The following ADCY9 variants were observed in gnomAD, a reference collection of about 807,000 sequenced individuals.
ADCY9 encodes the protein adenylate cyclase type 9.
A neutral mutation model predicts 101.5 loss-of-function variants in ADCY9; 50 were observed. The observed-to-expected ratio is 0.49, with a 90% CI of 0.39 to 0.62. The LOEUF (loss-of-function observed/expected upper bound fraction) is 0.62. Among genes scored for constraint, ADCY9 ranks in the 20% least tolerant of loss-of-function variants. The pLI, the probability that ADCY9 is intolerant of heterozygous loss-of-function variation, is 0.00. For synonymous variants in ADCY9, 905 were observed against 769.3 expected (o/e 1.18, Z -2.92); for missense variants, 1,662 against 1,800.4 (o/e 0.92, Z 1.39).
In ADCY9 at chr16:4,115,748, G is replaced by C. The variant is rs1289452996; in HGVS notation, c.-102C>G. 1.2e-5 allele frequency: 5 copies of C among 408,330 alleles called. No individual in the cohort carries two copies. The highest frequency in any genetic ancestry group is 1.0e-4 in the African/African-American group (5 of 48,292). 25.3% of individuals were successfully genotyped at this position (408,330 alleles called of 1,614,324 possible). A position where few individuals can be genotyped will look rare whatever the true frequency, so the allele number is the denominator to read the frequency against. On this transcript the variant is annotated 5_prime_UTR_variant, in exon 1 of 11. Coordinates refer to ENST00000294016, the MANE Select transcript of ADCY9 (RefSeq NM_001116.4). The surrounding 1 kb of genome is among the most constrained non-coding windows in gnomAD (Gnocchi z 6.2). ...CCGTGGCTCCGGGACCGCTTTGCTC[G>C]CTCGCCTTCCGCGCCTCTCGCCCCG...
intron 2 of ADCY9, among the ~76,000 whole-genome samples, chr16:4,072,890 C>T (rs2056843228): frequency 6.6e-6 from 1 of 150,438 alleles, no homozygotes; most frequent in African/African-American, 2.4e-5. Context: ...GCAGACTTCT[C>T]ACCAAAACAA....
intron 2 of ADCY9, among the ~76,000 whole-genome samples, chr16:4,053,236 T>G (rs2056713224): frequency 6.6e-6 from 1 of 152,182 alleles, no homozygotes; most frequent in South Asian, 2.1e-4. Flanking sequence ...CAAGAGACTG[T>G]AAATCGCAGT....
chr16:4,068,496 T>C (rs2056813690), intron 2 of ADCY9, among the ~76,000 whole-genome samples: 1 of 152,156 alleles, frequency 6.6e-6, no homozygotes. Flanking sequence ...GTTTTACATA[T>C]GGTACAGTTG....
At chr16:3,980,210 G>A (rs769279146) in intron 7 of ADCY9, among the ~76,000 whole-genome samples, 10 of 152,220 alleles carry the variant, frequency 6.6e-5, no homozygotes, top group Non-Finnish European at 1.0e-4. Context: ...TAAGCAGAGC[G>A]ACTGTATTCA....
At chr16:4,011,799 T>C (rs1448011472) in intron 2 of ADCY9, among the ~76,000 whole-genome samples, 3 of 152,118 alleles carry the variant, frequency 2.0e-5, no homozygotes, top group African/African-American at 7.2e-5. Context: ...TCGCTGCCTC[T>C]CAGTTTCCTC....
At chr16:4,106,091 A>G (rs988344202) in intron 2 of ADCY9, among the ~76,000 whole-genome samples, 5 of 152,154 alleles carry the variant, frequency 3.3e-5, no homozygotes, top group Admixed American at 6.5e-5. Context: ...CTTCCCACTT[A>G]ACTCCGCAGA....
In ADCY9 at chr16:3,979,115, C is replaced by T; in HGVS notation, c.2679+1G>A. ...AATAAAACGGCTGAGCCTTTACTTA[C>T]GTGTATGTTGGTCTCATATTCGGAG... On this transcript the variant is annotated splice_donor_variant, in intron 8 of 10. Coordinates refer to ENST00000294016, the MANE Select transcript of ADCY9 (RefSeq NM_001116.4). LOFTEE classifies it high-confidence loss of function. 2 of 1,614,172 alleles carry T rather than the reference C, an allele frequency of 1.2e-6. No homozygotes were observed. The highest frequency in any genetic ancestry group is 2.2e-5 in the East Asian group (1 of 44,896).
intron 2 of ADCY9, among the ~76,000 whole-genome samples, chr16:4,026,857 G>A (rs1029498521): frequency 1.3e-5 from 2 of 152,154 alleles, no homozygotes; most frequent in African/African-American, 4.8e-5. Context: ...ACTTAAGGCC[G>A]ATTCACCCTG....
chr16:4,070,240 A>C (rs1185550703), intron 2 of ADCY9, among the ~76,000 whole-genome samples: 1 of 135,178 alleles, frequency 7.4e-6, no homozygotes, highest in Non-Finnish European at 1.7e-5. Flanking sequence ...AATAAGCTTT[A>C]TCGTTATAAT....
At position 4,114,896 on chromosome 16, in the gene ADCY9, C is replaced by A. The variant is rs1268181203; in HGVS notation, c.547G>T (p.Val183Leu). The A allele has an allele frequency of 6.2e-7, 1 of 1,613,838 alleles. No individual in the cohort carries two copies. Among genetic ancestry groups the A allele is most frequent in the Non-Finnish European group, 8.5e-7 (1 of 1,180,040 alleles). Residue 183 changes from valine to leucine, a missense_variant, in exon 2 of 11, where the codon GTG (valine) becomes TTG (leucine). Physicochemically the swap from Val to Leu is conservative, Grantham distance 32 (BLOSUM62 1). Coordinates refer to ENST00000294016, the MANE Select transcript of ADCY9 (RefSeq NM_001116.4). This position sits in a 1 kb window ranked among gnomAD's most constrained non-coding sequence, Gnocchi z 4.3. ...AWTSLALTLLVFALTLAAQFQ... is the reference protein window; with the variant it reads ...AWTSLALTLLLFALTLAAQFQ... ...TGCGCAGCCAGGGTCAGGGCGAACACCAGCAGGGTGAGAGCCAGCGAGGTC... is the reference window on the plus strand; with the variant it reads ...TGCGCAGCCAGGGTCAGGGCGAACAACAGCAGGGTGAGAGCCAGCGAGGTC...
At chr16:4,103,199 A>G (rs75684195) in intron 2 of ADCY9, among the ~76,000 whole-genome samples, 1,989 of 152,364 alleles carry the variant, frequency 0.013, 42 homozygotes, top group African/African-American at 0.045. Context: ...CACACACATG[A>G]GAATGCGTGT....
At chr16:4,052,861 G>C (rs544556359) in intron 2 of ADCY9, among the ~76,000 whole-genome samples, 2 of 152,316 alleles carry the variant, frequency 1.3e-5, no homozygotes, top group South Asian at 4.1e-4. Context: ...CGTTTCAGCC[G>C]AACGCATCTG....
intron 2 of ADCY9, among the ~76,000 whole-genome samples, chr16:4,025,473 G>C (rs2056508549): frequency 6.6e-6 from 1 of 152,094 alleles, no homozygotes; most frequent in Non-Finnish European, 1.5e-5. Context: ...GCCACGCAAA[G>C]ACTGTCAGTG....
chr16:4,094,431 T>C (rs2532007), intron 2 of ADCY9, among the ~76,000 whole-genome samples: 17,798 of 152,180 alleles, frequency 0.12, 1,576 homozygotes, highest in East Asian at 0.45. Flanking sequence ...GCAAATGTCA[T>C]GTGGCTTTCC....
chr16:4,036,282 GA>G (rs1195967018), intron 2 of ADCY9, among the ~76,000 whole-genome samples: 1 of 151,848 alleles, frequency 6.6e-6, no homozygotes, highest in Non-Finnish European at 1.5e-5. Flanking sequence ...GTCCCCTTAT[GA>G]GTTTTGAGCA....
At chr16:4,044,632 ATG>A (rs935426623) in intron 2 of ADCY9, among the ~76,000 whole-genome samples, 121 of 152,322 alleles carry the variant, frequency 7.9e-4, no homozygotes, top group African/African-American at 2.8e-3. Context: ...AGCCACTTTA[ATG>A]TATATCAGTT....
intron 2 of ADCY9, among the ~76,000 whole-genome samples, chr16:4,072,276 G>T (rs991936977): frequency 6.6e-6 from 1 of 152,216 alleles, no homozygotes; most frequent in African/African-American, 2.4e-5. Flanking sequence ...GGCTGAAGTA[G>T]CTCCATCGTG....
At chr16:4,042,068 C>T (rs1442317838) in intron 2 of ADCY9, among the ~76,000 whole-genome samples, 1 of 151,916 alleles carries the variant, frequency 6.6e-6, no homozygotes. Context: ...GGACTACAGG[C>T]GTCCGCCACC....
chr16:3,968,415 A>C (rs2056018496), intron 10 of ADCY9, among the ~76,000 whole-genome samples: 1 of 152,160 alleles, frequency 6.6e-6, no homozygotes, highest in South Asian at 2.1e-4. Context: ...TACAGGTGTG[A>C]GCCACCGCGC....
Sources: gnomAD v4.1 joint callset for allele counts (sites outside exome capture counted in the v4.1 genomes callset) on GRCh38, gnomAD v4.1.1 for gene constraint, Gnocchi (gnomAD v3.1) non-coding constraint, MANE v1.5 for transcripts, NCBI Gene and HGNC (gene_info 2026-07-23, HGNC 2026-07-21) for gene names.